FLT1: variants seen among roughly 807,000 people sequenced by gnomAD.
FLT1 encodes the protein vascular endothelial growth factor receptor 1.
Under a neutral mutation model 156.3 loss-of-function variants are expected in FLT1, and 49 were observed. That is an observed-to-expected ratio of 0.31 (90% CI 0.25 to 0.40). The LOEUF is 0.40. FLT1 is among the 10% of genes least tolerant of loss of function. The pLI is 1.00. For synonymous variants in FLT1, 594 were observed against 583.8 expected, an observed-to-expected ratio of 1.02 and a Z score of -0.25; for missense variants, 1,322 against 1,637.2, an observed-to-expected ratio of 0.81 and a Z score of 3.32.
chr13:28,409,219 G>T (rs1875994455), intron 10 of FLT1, among the ~76,000 whole-genome samples: 1 of 152,164 alleles, frequency 6.6e-6, no homozygotes, highest in African/African-American at 2.4e-5. Context: ...TCTTGTAACA[G>T]TGATGAATTT....
intron 15 of FLT1, among the ~76,000 whole-genome samples, chr13:28,350,444 G>A (rs1169271422): frequency 1.3e-5 from 2 of 152,144 alleles, no homozygotes; most frequent in East Asian, 3.8e-4. Flanking sequence ...CTGAAGGGGT[G>A]TGTATCTTGC....
At chr13:28,429,958 G>T in intron 8 of FLT1, 92 bp downstream of exon 8, 2 of 883,204 alleles carry the variant, frequency 2.3e-6, no homozygotes, top group Non-Finnish European at 2.0e-6. Flanking sequence ...ACGTCTCTTG[G>T]TATTTTGTCA....
At chr13:28,486,423 T>G (rs575895703) in intron 1 of FLT1, among the ~76,000 whole-genome samples, 1 of 152,260 alleles carries the variant, frequency 6.6e-6, no homozygotes, top group East Asian at 1.9e-4. Context: ...GCACCGGAAA[T>G]GCAGATACGG....
At chr13:28,435,655 C>T (rs1225081462) in intron 4 of FLT1, among the ~76,000 whole-genome samples, 6 of 152,180 alleles carry the variant, frequency 3.9e-5, no homozygotes, top group African/African-American at 1.2e-4. Flanking sequence ...TTGCTGAAGG[C>T]GCTGATCTGG....
In FLT1 at chr13:28,389,924, T is replaced by C. The variant is rs1259431723; in HGVS notation, c.1841A>G (p.Glu614Gly). The C allele has an allele frequency of 6.2e-7, 1 of 1,614,178 alleles. No individual in the cohort carries two copies. The highest frequency in any genetic ancestry group is 8.5e-7 in the Non-Finnish European group (1 of 1,180,042). The change falls in exon 13 of 30, where the codon GAG becomes GGG. Residue 614 changes from glutamate to glycine, a missense_variant. Glu to Gly is a moderately conservative substitution (Grantham distance 98). This residue lies in a region of FLT1 where 991 missense variants were observed against 1,254.8 expected (regional missense o/e 0.79). Transcript: ENST00000282397. The part of the protein sequence containing the change: ...ISKQKMAITK[E>G]HSITLNLTIM... The stretch of plus-strand genomic sequence containing the variant: ...GGTAAGATTAAGAGTGATGGAGTGC[T>C]CCTTAGTGATGGCCATTTTTTGCTT...
chr13:28,461,252 A>C (rs1160834345), intron 3 of FLT1, among the ~76,000 whole-genome samples: 1 of 152,192 alleles, frequency 6.6e-6, no homozygotes, highest in Non-Finnish European at 1.5e-5. Context: ...CCTTTAAAGA[A>C]AAAGAATAAA....
chr13:28,408,506 C>T (rs1294388984), intron 10 of FLT1, among the ~76,000 whole-genome samples: 3 of 152,140 alleles, frequency 2.0e-5, no homozygotes, highest in African/African-American at 7.2e-5. Context: ...TATATAACAG[C>T]ACTTGAAAAG....
chr13:28,385,503 A>G (rs1874306146), intron 13 of FLT1: 1 of 1,010,252 alleles, frequency 9.9e-7, no homozygotes, highest in Non-Finnish European at 1.2e-6. Flanking sequence ...GTGTTACTCA[A>G]CTGTCAGTAA....
intron 24 of FLT1, among the ~76,000 whole-genome samples, chr13:28,317,819 C>T (rs945789638): frequency 2.0e-5 from 3 of 152,198 alleles, no homozygotes; most frequent in East Asian, 1.9e-4. Flanking sequence ...TGGTGCGGGG[C>T]ACCTGGTGCT....
At chr13:28,408,525 G>T (rs368038557) in intron 10 of FLT1, among the ~76,000 whole-genome samples, 1 of 152,196 alleles carries the variant, frequency 6.6e-6, no homozygotes, top group African/African-American at 2.4e-5. Flanking sequence ...AGAGATTTAG[G>T]GGGAGGGGAA....
At chr13:28,323,373 C>T (rs80041824) in intron 20 of FLT1, among the ~76,000 whole-genome samples, 1,858 of 152,152 alleles carry the variant, frequency 0.012, 45 homozygotes, top group African/African-American at 0.042. Flanking sequence ...CAAAGCTGGC[C>T]GGGCACAGTG....
At chr13:28,314,040 A>C (rs1314192306) in intron 25 of FLT1, among the ~76,000 whole-genome samples, 1 of 152,192 alleles carries the variant, frequency 6.6e-6, no homozygotes, top group Non-Finnish European at 1.5e-5. Context: ...CCACAAAAAA[A>C]TACAAGAATT....
rs115310762 is a variant in FLT1 at position 28,341,689 on chromosome 13, C to T, written c.2356-2389G>A. On this transcript the variant is annotated intron_variant, in intron 16 of 29. Transcript: ENST00000282397. Reference sequence around the variant, plus strand: ...ATTTACATTGTCGTTAGAGGAACCACATGGAAATATTTTGGGATGTCTTGT... The same window carrying T: ...ATTTACATTGTCGTTAGAGGAACCATATGGAAATATTTTGGGATGTCTTGT... Among the ~76,000 whole-genome samples, 843 of 152,244 alleles carry T rather than the reference C, an allele frequency of 5.5e-3. 9 individuals carry two copies. Among genetic ancestry groups the T allele is most frequent in the African/African-American group, 0.019 (788 of 41,532 alleles).
At chr13:28,475,117 C>T (rs1313062905) in intron 1 of FLT1, among the ~76,000 whole-genome samples, 2 of 152,180 alleles carry the variant, frequency 1.3e-5, no homozygotes. Context: ...TTGCAAAAAA[C>T]TTGCTGTTCC....
chr13:28,470,215 T>G (rs638889), intron 1 of FLT1, among the ~76,000 whole-genome samples: 1 of 152,032 alleles, frequency 6.6e-6, no homozygotes, highest in Non-Finnish European at 1.5e-5. Context: ...TACCTAGGAA[T>G]GTATTTTAAC....
intron 25 of FLT1, among the ~76,000 whole-genome samples, chr13:28,315,566 A>G (rs1428116583): frequency 6.6e-6 from 1 of 152,196 alleles, no homozygotes; most frequent in African/African-American, 2.4e-5. Flanking sequence ...AAAAAAACAA[A>G]CAAAAAAACC....
Position 28,411,513 on chromosome 13 carries a change from T to C in FLT1, c.1437-5619A>G, listed in dbSNP as rs930904112. On this transcript the variant is annotated intron_variant, in intron 10 of 29. Transcript: ENST00000282397. ...GTGAGCCAAGATCATGCCATTGCGCTCCAGCCTGGTCAAGAAGAGCGAAAC... is the reference window on the plus strand; with the variant it reads ...GTGAGCCAAGATCATGCCATTGCGCCCCAGCCTGGTCAAGAAGAGCGAAAC... Among the ~76,000 whole-genome samples, 3 of 126,964 alleles carry C rather than the reference T, an allele frequency of 2.4e-5. No homozygotes were observed. The Admixed American group carries it at 3.0e-4, about 13-fold the overall frequency. The allele number at this position is 126,964 out of a possible 152,430, so 83.3% of individuals were successfully genotyped here.
rs1870538467 is a variant in FLT1 at position 28,302,115 on chromosome 13, C to G, written c.*1052G>C. 4.3e-6 allele frequency: 1 copy of G among 229,972 alleles called. No individual in the cohort carries two copies. Among genetic ancestry groups the G allele is most frequent in the Non-Finnish European group, 8.5e-6 (1 of 117,878 alleles). The allele number at this position is 229,972 out of a possible 1,614,324, so 14.2% of individuals were successfully genotyped here. A position where few individuals can be genotyped will look rare whatever the true frequency, so the allele number is the denominator to read the frequency against. ...TATTGACCTTTTTCCTCCATCAGCC[C>G]TCGTTTTGATATGGAGAAAACTCCT... is the stretch of plus-strand genomic sequence containing the variant. On this transcript the variant is annotated 3_prime_UTR_variant, in exon 30 of 30. Coordinates refer to ENST00000282397, the MANE Select transcript of FLT1 (RefSeq NM_002019.4).
chr13:28,392,033 AC>A (rs1164449998), intron 12 of FLT1, among the ~76,000 whole-genome samples: 1 of 152,218 alleles, frequency 6.6e-6, no homozygotes, highest in Non-Finnish European at 1.5e-5. Context: ...CTATAAAGAA[AC>A]CTTTAAACGT....
Sources: gnomAD v4.1 joint callset for allele counts (sites outside exome capture counted in the v4.1 genomes callset) on GRCh38, gnomAD v4.1.1 for gene constraint, gnomAD v4.1.1 regional missense constraint, MANE v1.5 for transcripts, NCBI Gene and HGNC (gene_info 2026-07-23, HGNC 2026-07-21) for gene names.